The following RNASEH2A variants were observed in gnomAD, a reference collection of about 807,000 sequenced individuals.
RNASEH2A encodes the protein RNase H(35).
RNASEH2A carries 30 observed loss-of-function variants against 32.7 expected under a neutral mutation model. The ratio of observed to expected loss-of-function variants is 0.92; its 90% CI spans 0.69 to 1.25. The LOEUF (loss-of-function observed/expected upper bound fraction) is 1.25, where lower values mean the gene tolerates loss of function less well. Ranked by LOEUF, RNASEH2A falls within the 50% of genes most tolerant of loss-of-function variation. The pLI is 0.00. For synonymous variants in RNASEH2A, 147 were observed against 165.4 expected, an observed-to-expected ratio of 0.89 and a Z score of 0.86; for missense variants, 409 against 398.1, an observed-to-expected ratio of 1.03 and a Z score of -0.23.
chr19:12,813,304 A>C, intron 7 of RNASEH2A, 24 bp from the exon 8 acceptor site: 2 of 1,614,140 alleles, frequency 1.2e-6, no homozygotes, highest in East Asian at 2.2e-5. Flanking sequence ...GTAAGTGGTC[A>C]CTGTCATCAC....
Position 12,813,602 on chromosome 19 carries a change from C to G in RNASEH2A, c.*136C>G. On this transcript the variant is annotated 3_prime_UTR_variant, in exon 8 of 8. Coordinates refer to ENST00000221486, the MANE Select transcript of RNASEH2A (RefSeq NM_006397.3). ...CTCTGCAGCCGGGTCCAGCTACTTC[C>G]TTTTGGAACCTTAAATAGAATGGGT... The G allele has an allele frequency of 1.0e-6, 1 of 983,954 alleles. No homozygotes were observed. Among genetic ancestry groups the G allele is most frequent in the Non-Finnish European group, 1.6e-6 (1 of 631,142 alleles). The allele number at this position is 983,954 out of a possible 1,614,324, so 61.0% of individuals were successfully genotyped here. A position where few individuals can be genotyped will look rare whatever the true frequency, so the allele number is the denominator to read the frequency against.
chr19:12,810,514 T>C, intron 6 of RNASEH2A, 110 bp downstream of exon 6: 1 of 1,069,522 alleles, frequency 9.3e-7, no homozygotes, highest in Non-Finnish European at 1.4e-6. Flanking sequence ...TTTGCTTATT[T>C]TTTGTTTTTA....
intron 4 of RNASEH2A, among the ~76,000 whole-genome samples, chr19:12,808,416 C>T (rs796598380): frequency 2.0e-5 from 3 of 152,084 alleles, no homozygotes; most frequent in Non-Finnish European, 2.9e-5. Flanking sequence ...AGCCCCTAGT[C>T]CCGTCTCCAT....
intron 4 of RNASEH2A, among the ~76,000 whole-genome samples, chr19:12,808,825 C>T (rs903919849): frequency 6.6e-5 from 10 of 152,150 alleles, no homozygotes; most frequent in South Asian, 2.1e-4. Flanking sequence ...TGGTGGCTCA[C>T]GCCTGTAATC....
Position 12,806,595 on chromosome 19 carries a change from C to T in RNASEH2A, c.-79C>T. 1 of 1,542,756 alleles carries T rather than the reference C, an allele frequency of 6.5e-7. No individual in the cohort carries two copies. Reference sequence around the variant, plus strand: ...GATTGGCCGGAAGCAGGCGCCGCTTCGAGGCCCGCGGAAAACGCGCGCCGA... The same window carrying T: ...GATTGGCCGGAAGCAGGCGCCGCTTTGAGGCCCGCGGAAAACGCGCGCCGA... On this transcript the variant is annotated 5_prime_UTR_variant, in exon 1 of 8. Transcript: ENST00000221486.
chr19:12,811,406 T>G (rs1425518072), intron 6 of RNASEH2A, among the ~76,000 whole-genome samples: 3 of 151,654 alleles, frequency 2.0e-5, no homozygotes, highest in African/African-American at 7.3e-5. Context: ...GTCCTCGAGT[T>G]CAAGACCAGC....
chr19:12,807,129 G>T, intron 2 of RNASEH2A, 50 bp downstream of exon 2: 1 of 1,614,158 alleles, frequency 6.2e-7, no homozygotes, highest in Non-Finnish European at 8.5e-7. Flanking sequence ...TATGTGCAGG[G>T]GCAGGTGAGA....
chr19:12,808,237 G>A (rs1484361473), intron 4 of RNASEH2A, among the ~76,000 whole-genome samples: 1 of 152,086 alleles, frequency 6.6e-6, no homozygotes, highest in Non-Finnish European at 1.5e-5. Flanking sequence ...GGGGGACAGA[G>A]CGAAAAATAA....
intron 4 of RNASEH2A, 59 bp from the exon 5 acceptor site, chr19:12,810,012 G>A: frequency 6.2e-7 from 1 of 1,610,560 alleles, no homozygotes; most frequent in Non-Finnish European, 8.5e-7. Context: ...CCAGGGCTGT[G>A]AGGCTAGAGC....
Position 12,810,303 on chromosome 19 carries a change from T to A in RNASEH2A, c.550-14T>A. 1 of 1,614,130 alleles carries A rather than the reference T, an allele frequency of 6.2e-7. No individual in the cohort carries two copies. The highest frequency in any genetic ancestry group is 8.5e-7 in the Non-Finnish European group (1 of 1,180,004). ...GGGAAGGAGGGAGATTCCAGGTGCC[T>A]GTTTTGCCCACAGGTGGCCCGGGAC... On this transcript the variant is annotated splice_polypyrimidine_tract_variant and intron_variant, in intron 5 of 7. Transcript: ENST00000221486.
chr19:12,808,740 C>T (rs138883537), intron 4 of RNASEH2A, among the ~76,000 whole-genome samples: 7 of 152,166 alleles, frequency 4.6e-5, no homozygotes, highest in East Asian at 1.9e-4. Flanking sequence ...CTCGAATGCT[C>T]TCAATGAAAG....
At chr19:12,807,121 T>C (rs1292140356) in intron 2 of RNASEH2A, 42 bp downstream of exon 2, 1 of 1,613,964 alleles carries the variant, frequency 6.2e-7, no homozygotes, top group Non-Finnish European at 8.5e-7. Flanking sequence ...TTCCTGGGTA[T>C]GTGCAGGGGC....
In RNASEH2A at chr19:12,806,611, C is replaced by G. The variant is rs1968991972; in HGVS notation, c.-63C>G. The G allele has an allele frequency of 1.3e-6, 2 of 1,549,690 alleles. No homozygotes were observed. Among genetic ancestry groups the G allele is most frequent in the African/African-American group, 1.4e-5 (1 of 73,098 alleles). On this transcript the variant is annotated 5_prime_UTR_variant, in exon 1 of 8. Transcript: ENST00000221486. Reference sequence around the variant, plus strand: ...GCGCCGCTTCGAGGCCCGCGGAAAACGCGCGCCGAGACCCGCTCCTGCAGT... The same window carrying G: ...GCGCCGCTTCGAGGCCCGCGGAAAAGGCGCGCCGAGACCCGCTCCTGCAGT...
intron 2 of RNASEH2A, 29 bp downstream of exon 2, chr19:12,807,108 G>A (rs746597236): frequency 6.2e-7 from 1 of 1,614,170 alleles, no homozygotes; most frequent in Admixed American, 1.7e-5. Context: ...TCTGGGGAAG[G>A]GATTCCTGGG....
intron 4 of RNASEH2A, among the ~76,000 whole-genome samples, chr19:12,809,507 A>T (rs1162893587): frequency 6.6e-6 from 1 of 152,010 alleles, no homozygotes; most frequent in Non-Finnish European, 1.5e-5. Context: ...CACCTAGCTA[A>T]CTTTTTATTT....
At chr19:12,809,727 C>T (rs146784548) in intron 4 of RNASEH2A, among the ~76,000 whole-genome samples, 32 of 150,728 alleles carry the variant, frequency 2.1e-4, no homozygotes, top group African/African-American at 7.0e-4. Context: ...GTAAAAGCAG[C>T]GTGATAGAGA....
Position 12,810,160 on chromosome 19 carries a change from A to C in RNASEH2A, c.501A>C (p.Lys167Asn). The C allele has an allele frequency of 6.2e-7, 1 of 1,614,226 alleles. No individual in the cohort carries two copies. Residue 167 changes from lysine (K) to asparagine (N), a missense_variant, in exon 5 of 8, where the codon AAA becomes AAC. Lys to Asn is a moderately conservative substitution (Grantham distance 94). Coordinates refer to ENST00000221486, the MANE Select transcript of RNASEH2A (RefSeq NM_006397.3). Reference protein sequence around the residue: ...FPGIEVTVKAKADALYPVVSA... With the variant: ...FPGIEVTVKANADALYPVVSA... Reference sequence around the variant, plus strand: ...GGATTGAGGTGACGGTCAAGGCCAAAGCAGATGCCCTCTACCCGGTGGTTA... The same window carrying C: ...GGATTGAGGTGACGGTCAAGGCCAACGCAGATGCCCTCTACCCGGTGGTTA...
intron 2 of RNASEH2A, 37 bp downstream of exon 2, chr19:12,807,116 G>A: frequency 1.2e-6 from 2 of 1,614,140 alleles, no homozygotes; most frequent in South Asian, 2.2e-5. Flanking sequence ...AGGGATTCCT[G>A]GGTATGTGCA....
rs1395573519 is a variant in RNASEH2A at position 12,806,789 on chromosome 19, G to T, written c.116G>T (p.Gly39Val). The T allele has an allele frequency of 6.3e-7, 1 of 1,577,696 alleles. No homozygotes were observed. Among genetic ancestry groups the T allele is most frequent in the South Asian group, 1.2e-5 (1 of 86,580 alleles). ...CTGGGCGTCGATGAGGCGGGCAGGG[G>T]CCCCGTGCTGGGTGCGCCCCTAGGG... ...CVLGVDEAGR[G>V]PVLGPMVYAI... is the part of the protein sequence containing the mutation. Residue 39 changes from glycine (G) to valine (V), a missense_variant, in exon 1 of 8, where the codon GGC becomes GTC. By Grantham distance (109) the Gly-to-Val change is moderately radical (BLOSUM62 -3). Transcript: ENST00000221486.
Sources: gnomAD v4.1 joint callset for allele counts (sites outside exome capture counted in the v4.1 genomes callset) on GRCh38, gnomAD v4.1.1 for gene constraint, MANE v1.5 for transcripts, NCBI Gene and HGNC (gene_info 2026-07-23, HGNC 2026-07-21) for gene names.